WNT3A: variants seen among roughly 807,000 people sequenced by gnomAD.
The protein encoded by WNT3A is Wnt family member 3A.
WNT3A carries 17 observed loss-of-function variants against 37.0 expected under a neutral mutation model. That is an observed-to-expected ratio of 0.46 (90% CI 0.31 to 0.69). The LOEUF is 0.69. WNT3A is among the 30% of genes least tolerant of loss of function. WNT3A has a pLI of 0.05. For synonymous variants in WNT3A, 187 were observed against 211.0 expected (o/e 0.89, Z 0.99); for missense variants, 411 against 510.2 (o/e 0.81, Z 1.87).
At position 228,037,909 on chromosome 1, in the gene WNT3A, C is replaced by A. The variant is rs1189993137; in HGVS notation, c.314-12747C>A. ...CCCTCGCGCCGGACGGCCTGGCGCG[C>A]GGCGCATACTTCCAGGTTGCTATGA... is the stretch of plus-strand genomic sequence containing the variant. On this transcript the variant is annotated intron_variant, in intron 2 of 3. Transcript: ENST00000284523. This position sits in a 1 kb window ranked among gnomAD's most constrained non-coding sequence, Gnocchi z 4.1. Among the ~76,000 whole-genome samples the A allele has an allele frequency of 6.6e-6, 1 of 152,218 alleles. No individual in the cohort carries two copies. The highest frequency in any genetic ancestry group is 2.4e-5 in the African/African-American group (1 of 41,478).
chr1:228,013,811 C>T (rs901507052), intron 1 of WNT3A, among the ~76,000 whole-genome samples: 7 of 152,238 alleles, frequency 4.6e-5, no homozygotes, highest in African/African-American at 1.7e-4. Flanking sequence ...CATCCACCAA[C>T]AGGGAAACAC....
At chr1:228,049,282 C>T (rs547868050) in intron 2 of WNT3A, among the ~76,000 whole-genome samples, 1 of 152,276 alleles carries the variant, frequency 6.6e-6, no homozygotes, top group East Asian at 1.9e-4. Flanking sequence ...GGGGTCTGCA[C>T]CCCAGGCTAT....
In WNT3A at chr1:228,059,693, G is replaced by C. The variant is rs2031755605; in HGVS notation, c.*228G>C. The C allele has an allele frequency of 7.4e-7, 1 of 1,342,962 alleles. No individual in the cohort carries two copies. The highest frequency in any genetic ancestry group is 1.5e-5 in the African/African-American group (1 of 65,120). 83.2% of individuals were successfully genotyped at this position (1,342,962 alleles called of 1,614,324 possible). ...GGCTGGGCTGCTCCTGAATGAGGCG[G>C]AGCTCCAGGATGGGGAGGGGCTCTG... On this transcript the variant is annotated 3_prime_UTR_variant, in exon 4 of 4. Coordinates refer to ENST00000284523, the MANE Select transcript of WNT3A (RefSeq NM_033131.4).
At chr1:228,040,779 G>C (rs913908955) in intron 2 of WNT3A, among the ~76,000 whole-genome samples, 2 of 151,376 alleles carry the variant, frequency 1.3e-5, no homozygotes, top group African/African-American at 4.9e-5. Flanking sequence ...CCAGCTACTC[G>C]GGAGGCTGAG....
Position 228,041,240 on chromosome 1 carries a change from C to T in WNT3A, c.314-9416C>T, listed in dbSNP as rs145738866. On this transcript the variant is annotated intron_variant, in intron 2 of 3. Transcript: ENST00000284523. ...GCAAGAGACAAAGGAACCATCAAAGCTCATCTCATGATTCCCTGCATCTGA... is the reference window on the plus strand; with the variant it reads ...GCAAGAGACAAAGGAACCATCAAAGTTCATCTCATGATTCCCTGCATCTGA... Among the ~76,000 whole-genome samples, 685 of 152,228 alleles carry T rather than the reference C, an allele frequency of 4.5e-3. 7 individuals carry two copies. The highest frequency in any genetic ancestry group is 0.015 in the African/African-American group (632 of 41,522).
chr1:228,021,119 G>A (rs1375184420), intron 1 of WNT3A, among the ~76,000 whole-genome samples: 5 of 152,112 alleles, frequency 3.3e-5, no homozygotes, highest in Admixed American at 6.5e-5. Flanking sequence ...AACCAACATC[G>A]CAGTCAAACG....
At chr1:228,015,551 G>A (rs78369468) in intron 1 of WNT3A, among the ~76,000 whole-genome samples, 1 of 152,266 alleles carries the variant, frequency 6.6e-6, no homozygotes, top group Non-Finnish European at 1.5e-5. Flanking sequence ...GGGAGGGCAG[G>A]CTGGCCTCAG....
chr1:228,047,364 A>G (rs1215068165), intron 2 of WNT3A, among the ~76,000 whole-genome samples: 12 of 152,210 alleles, frequency 7.9e-5, no homozygotes, highest in Admixed American at 7.8e-4. Flanking sequence ...GTGCAAAGCC[A>G]TAGCCTCAAA....
At chr1:228,010,820 A>G (rs557322351) in intron 1 of WNT3A, among the ~76,000 whole-genome samples, 1 of 152,132 alleles carries the variant, frequency 6.6e-6, no homozygotes, top group South Asian at 2.1e-4. Context: ...TGTCACTATG[A>G]CAGAAACACA....
rs571247878 is a variant in WNT3A at position 228,046,902 on chromosome 1, C to T, written c.314-3754C>T. ...TGTGTGGTATGCATGTGTCTGTGTG[C>T]GCACGCATGTGCGCATGTGGCTGTG... On this transcript the variant is annotated intron_variant, in intron 2 of 3. Transcript: ENST00000284523. 1.6e-4 allele frequency among the ~76,000 whole-genome samples: 25 copies of T among 152,152 alleles called. No homozygotes were observed. The South Asian group carries it at 2.1e-3, about 13-fold the overall frequency.
Position 228,050,831 on chromosome 1 carries a change from G to A in WNT3A, c.489G>A (p.Gly163=). The A allele has an allele frequency of 6.2e-7, 1 of 1,611,466 alleles. No individual in the cohort carries two copies. Among genetic ancestry groups the A allele is most frequent in the Non-Finnish European group, 8.5e-7 (1 of 1,178,254 alleles). Residue 163 remains glycine (G), a synonymous_variant, in exon 3 of 4, where the codon GGG becomes GGA. Coordinates refer to ENST00000284523, the MANE Select transcript of WNT3A (RefSeq NM_033131.4). This position sits in a 1 kb window ranked among gnomAD's most constrained non-coding sequence, Gnocchi z 5.0. ...GTAGCGAGGACATCGAGTTTGGTGG[G>A]ATGGTGTCTCGGGAGTTCGCCGACG... is the stretch of plus-strand genomic sequence containing the variant. ...GGCSEDIEFG[G]MVSREFADAR...
chr1:228,010,326 T>A (rs922821121), intron 1 of WNT3A, among the ~76,000 whole-genome samples: 6 of 152,086 alleles, frequency 3.9e-5, no homozygotes, highest in Non-Finnish European at 5.9e-5. Flanking sequence ...GGTGGGCCTG[T>A]GCCTCCCGCC....
At chr1:228,026,447 CTTTT>C (rs1448222952) in intron 2 of WNT3A, among the ~76,000 whole-genome samples, 22 of 152,014 alleles carry the variant, frequency 1.4e-4, no homozygotes, top group Admixed American at 1.4e-3. Context: ...TTCTTTCTTT[CTTTT>C]TATTTATTTA....
At chr1:228,055,949 T>G (rs924170891) in intron 3 of WNT3A, among the ~76,000 whole-genome samples, 3 of 152,216 alleles carry the variant, frequency 2.0e-5, no homozygotes, top group Non-Finnish European at 1.5e-5. Flanking sequence ...GTGAAAATTT[T>G]CTCTCTACAT....
intron 1 of WNT3A, among the ~76,000 whole-genome samples, chr1:228,010,761 G>C (rs529053626): frequency 6.6e-6 from 1 of 152,340 alleles, no homozygotes; most frequent in African/African-American, 2.4e-5. Context: ...CCACAGCCTC[G>C]CTCATGCTCC....
intron 3 of WNT3A, among the ~76,000 whole-genome samples, chr1:228,053,094 T>C (rs2031593535): frequency 6.6e-6 from 1 of 152,208 alleles, no homozygotes; most frequent in Non-Finnish European, 1.5e-5. Context: ...GGACATGATG[T>C]TCCTCCCTTC....
intron 3 of WNT3A, among the ~76,000 whole-genome samples, chr1:228,053,056 CTCTT>C (rs1317333644): frequency 1.3e-5 from 2 of 152,196 alleles, no homozygotes; most frequent in Admixed American, 6.5e-5. Context: ...CTCTCTCTCT[CTCTT>C]TCTATTACTT....
Position 228,007,349 on chromosome 1 carries a change from G to A in WNT3A, c.71+150G>A, listed in dbSNP as rs2030228646. 1 of 706,300 alleles carries A rather than the reference G, an allele frequency of 1.4e-6. No individual in the cohort carries two copies. Among genetic ancestry groups the A allele is most frequent in the Non-Finnish European group, 2.2e-6 (1 of 460,588 alleles). 43.8% of individuals were successfully genotyped at this position (706,300 alleles called of 1,614,324 possible). On this transcript the variant is annotated intron_variant, in intron 1 of 3. Transcript: ENST00000284523. The surrounding 1 kb of genome is among the most constrained non-coding windows in gnomAD (Gnocchi z 6.0). ...CCGCGGGCGGTTGGTTTTCCTTGAC[G>A]GCCACTTTGGACCTGTTCAGGCCGC...
intron 2 of WNT3A, among the ~76,000 whole-genome samples, chr1:228,033,751 ATTG>A (rs1314578536): frequency 3.7e-5 from 4 of 109,430 alleles, no homozygotes; most frequent in Non-Finnish European, 8.0e-5. Context: ...TTTGGGAAAT[ATTG>A]TTCTACTAAT....
Sources: gnomAD v4.1 joint callset for allele counts (sites outside exome capture counted in the v4.1 genomes callset) on GRCh38, gnomAD v4.1.1 for gene constraint, Gnocchi (gnomAD v3.1) non-coding constraint, MANE v1.5 for transcripts, NCBI Gene and HGNC (gene_info 2026-07-23, HGNC 2026-07-21) for gene names.